Variants in TENM1 observed in about 807,000 individuals in gnomAD.
TENM1 encodes the protein teneurin transmembrane protein 1, also known as teneurin-1.
Under a neutral mutation model 174.8 loss-of-function variants are expected in TENM1, and 35 were observed. That is an observed-to-expected ratio of 0.20 (90% CI 0.15 to 0.27). The LOEUF (loss-of-function observed/expected upper bound fraction) is 0.27, where lower values mean the gene tolerates loss of function less well. Ranked by LOEUF, TENM1 falls within the 10% of genes least tolerant of loss-of-function variation. The pLI, the probability that TENM1 is intolerant of heterozygous loss-of-function variation, is 1.00. For missense variants in TENM1, 1,633 were observed against 2,130.1 expected, an observed-to-expected ratio of 0.77 and a Z score of 4.59; for synonymous variants, 781 against 798.7, an observed-to-expected ratio of 0.98 and a Z score of 0.37.
At chrX:124,602,847 C>G (rs1020669753) in intron 11 of TENM1, among the ~76,000 whole-genome samples, 2 of 111,411 alleles carry the variant, frequency 1.8e-5, no homozygotes, top group African/African-American at 6.5e-5. Context: ...AATGGTACGT[C>G]CTTGTCATAA....
At chrX:124,755,543 G>T (rs1158794393) in intron 3 of TENM1, among the ~76,000 whole-genome samples, 2 of 110,953 alleles carry the variant, frequency 1.8e-5, no homozygotes, top group South Asian at 7.7e-4. Flanking sequence ...GATGTTAGCT[G>T]GTGATTTTGC....
the TENM1 span, among the ~76,000 whole-genome samples, chrX:125,050,048 T>A: frequency 1.8e-5 from 2 of 110,083 alleles, no homozygotes; most frequent in Admixed American, 9.8e-5. Flanking sequence ...CTATCAATGC[T>A]GTGACACCCT....
intron 4 of TENM1, 139 bp from the exon 8 acceptor site, chrX:124,705,390 C>T: frequency 4.6e-6 from 2 of 432,449 alleles, no homozygotes; most frequent in Non-Finnish European, 8.0e-6. Flanking sequence ...TTTTCATATA[C>T]CTAAGAGATA....
chrX:124,714,705 C>T (rs2053138337), intron 4 of TENM1, among the ~76,000 whole-genome samples: 1 of 111,027 alleles, frequency 9.0e-6, no homozygotes, highest in African/African-American at 3.3e-5. Flanking sequence ...TTAAATATAA[C>T]TAAATATAAA....
upstream of TENM1, among the ~76,000 whole-genome samples, chrX:124,965,101 G>A (rs757692874): frequency 1.1e-4 from 12 of 111,675 alleles, no homozygotes; most frequent in East Asian, 2.8e-4. Flanking sequence ...ATTTAGAGAC[G>A]GAGTCTTGCT....
At chrX:124,460,768 A>T (rs887522748) in intron 22 of TENM1, among the ~76,000 whole-genome samples, 1 of 110,414 alleles carries the variant, frequency 9.1e-6, no homozygotes, top group Non-Finnish European at 1.9e-5. Flanking sequence ...ATGCTAGTTT[A>T]ACACAAGTTT....
the TENM1 span, among the ~76,000 whole-genome samples, chrX:125,049,172 C>T: frequency 1.8e-5 from 2 of 111,477 alleles, no homozygotes; most frequent in African/African-American, 3.3e-5. Context: ...AACTGTGCAA[C>T]CATTACCACT....
intron 3 of TENM1, among the ~76,000 whole-genome samples, chrX:124,872,419 C>T (rs563337139): frequency 4.5e-5 from 5 of 111,618 alleles, no homozygotes; most frequent in African/African-American, 6.5e-5. Context: ...AATGAAAATA[C>T]GGGACAATTT....
At chrX:124,497,749 A>T (rs1427164413) in intron 19 of TENM1, among the ~76,000 whole-genome samples, 1 of 111,936 alleles carries the variant, frequency 8.9e-6, no homozygotes, top group Admixed American at 9.4e-5. Context: ...AAGGTAATCT[A>T]CTTCTGTGAA....
exon 15 of TENM1, chrX:124,546,952 A>T (rs1446827706): frequency 3.3e-6 from 4 of 1,211,628 alleles, no homozygotes; most frequent in Non-Finnish European, 4.5e-6. Flanking sequence ...ATCATAAAAA[A>T]GTCTTGAAGT....
chrX:125,059,221 G>C, the TENM1 span, among the ~76,000 whole-genome samples: 2 of 111,150 alleles, frequency 1.8e-5, no homozygotes, highest in Non-Finnish European at 3.8e-5. Flanking sequence ...TTACTGTACA[G>C]ATTTGTGATG....
At chrX:124,951,639 AATATATATATATAT>A (rs1156297240) in intron 1 of TENM1, among the ~76,000 whole-genome samples, 1 of 63,018 alleles carries the variant, frequency 1.6e-5, no homozygotes, top group African/African-American at 6.4e-5. Context: ...GAAAAGTTAA[AATATATATATATAT>A]ATATATATAT....
intron 11 of TENM1, among the ~76,000 whole-genome samples, chrX:124,634,172 C>T (rs958199120): frequency 9.0e-6 from 1 of 111,641 alleles, no homozygotes; most frequent in Non-Finnish European, 1.9e-5. Context: ...CTTTTATCCA[C>T]TAAAAAGCAC....
the TENM1 span, among the ~76,000 whole-genome samples, chrX:125,155,982 C>T: frequency 1.8e-5 from 2 of 112,655 alleles, no homozygotes; most frequent in African/African-American, 3.2e-5. Context: ...GCGCCGAGAG[C>T]GAGCGAGGGC....
chrX:125,002,334 A>AGT, the TENM1 span, among the ~76,000 whole-genome samples: 1 of 111,494 alleles, frequency 9.0e-6, no homozygotes. Context: ...GAGCTCCATA[A>AGT]GTATGTTTTT....
chrX:124,810,704 G>A (rs753190250), intron 3 of TENM1, among the ~76,000 whole-genome samples: 71 of 111,313 alleles, frequency 6.4e-4, no homozygotes, highest in African/African-American at 2.1e-3. Flanking sequence ...ATTCTAAAAT[G>A]TATATGGAAT....
chrX:124,991,616 C>CA, the TENM1 span, among the ~76,000 whole-genome samples: 528 of 109,632 alleles, frequency 4.8e-3, 1 homozygote, highest in African/African-American at 0.017. Context: ...AATGATGATG[C>CA]AAAAAAGGGG....
intron 5 of TENM1, among the ~76,000 whole-genome samples, chrX:124,702,277 C>G (rs2052793946): frequency 8.9e-6 from 1 of 111,949 alleles, no homozygotes; most frequent in South Asian, 3.7e-4. Flanking sequence ...CTCTATCCTT[C>G]TGAGGTGGTC....
At chrX:124,930,793 T>C (rs1350271919) in intron 1 of TENM1, among the ~76,000 whole-genome samples, 1 of 111,785 alleles carries the variant, frequency 8.9e-6, no homozygotes, top group East Asian at 2.8e-4. Flanking sequence ...CACAGAGGAA[T>C]AGGTGAGACA....
Sources: gnomAD v4.1 joint callset for allele counts (sites outside exome capture counted in the v4.1 genomes callset) on GRCh38, gnomAD v4.1.1 for gene constraint, MANE v1.5 for transcripts, NCBI Gene and HGNC (gene_info 2026-07-23, HGNC 2026-07-21) for gene names.